Variants in GALM observed in about 807,000 individuals in gnomAD.
The protein encoded by GALM is aldose 1-epimerase.
In GALM, 43 loss-of-function variants were observed where a neutral mutation model predicts 37.4. The ratio of observed to expected loss-of-function variants is 1.15; its 90% CI spans 0.90 to 1.48. The LOEUF is 1.48. Ranked by LOEUF, GALM falls within the 40% of genes most tolerant of loss-of-function variation. The pLI is 0.00. For synonymous variants in GALM, 199 were observed against 170.6 expected, an observed-to-expected ratio of 1.17 and a Z score of -1.30; for missense variants, 456 against 419.1, an observed-to-expected ratio of 1.09 and a Z score of -0.77.
intron 4 of GALM, among the ~76,000 whole-genome samples, chr2:38,692,742 GCA>G (rs1665706279): frequency 6.6e-6 from 1 of 152,202 alleles, no homozygotes; most frequent in African/African-American, 2.4e-5. Context: ...AGGAGACTTG[GCA>G]CAGAGGGCAG....
chr2:38,707,227 A>AT (rs574116044), intron 4 of GALM, among the ~76,000 whole-genome samples: 196 of 152,186 alleles, frequency 1.3e-3, no homozygotes, highest in African/African-American at 4.4e-3. Flanking sequence ...AGCTGGATGC[A>AT]TGAGTGTGAC....
At chr2:38,676,190 A>G (rs541142467) in intron 2 of GALM, 124 bp downstream of exon 2, 245 of 936,378 alleles carry the variant, frequency 2.6e-4, no homozygotes, top group Middle Eastern at 1.5e-3. Context: ...GGCCCCTTCC[A>G]TGGTTCAGGG....
chr2:38,733,029 C>T (rs113645255), intron 6 of GALM, among the ~76,000 whole-genome samples: 6,234 of 151,656 alleles, frequency 0.041, 444 homozygotes, highest in African/African-American at 0.14. Context: ...GAGACCAGCC[C>T]GGTCAACATG....
At chr2:38,685,005 C>T (rs893818808) in intron 3 of GALM, among the ~76,000 whole-genome samples, 2 of 152,128 alleles carry the variant, frequency 1.3e-5, no homozygotes, top group African/African-American at 2.4e-5. Flanking sequence ...GGCTTGTCCC[C>T]TCATGGCCAC....
At chr2:38,714,219 G>T (rs997937684) in intron 4 of GALM, among the ~76,000 whole-genome samples, 2 of 151,642 alleles carry the variant, frequency 1.3e-5, no homozygotes, top group African/African-American at 4.8e-5. Flanking sequence ...TTTGCGGGGG[G>T]GTTGTTGTTT....
At chr2:38,697,992 G>T (rs1359949821) in intron 4 of GALM, among the ~76,000 whole-genome samples, 4 of 151,834 alleles carry the variant, frequency 2.6e-5, no homozygotes, top group African/African-American at 9.7e-5. Context: ...CACCAGGCTG[G>T]AAGTACAGTG....
At chr2:38,672,108 G>A (rs1265044943) in intron 1 of GALM, among the ~76,000 whole-genome samples, 2 of 151,824 alleles carry the variant, frequency 1.3e-5, no homozygotes, top group African/African-American at 2.4e-5. Context: ...TCTTCATGAC[G>A]TGATTGGTTT....
chr2:38,697,829 A>G (rs1203937567), intron 4 of GALM, among the ~76,000 whole-genome samples: 1 of 152,128 alleles, frequency 6.6e-6, no homozygotes, highest in Non-Finnish European at 1.5e-5. Flanking sequence ...AAATTCCCTT[A>G]CGTCTTCAAT....
chr2:38,667,115 G>T (rs1031943616), intron 1 of GALM, among the ~76,000 whole-genome samples: 3 of 152,158 alleles, frequency 2.0e-5, no homozygotes, highest in African/African-American at 7.2e-5. Flanking sequence ...AATGACAATT[G>T]CAGCTTGATT....
chr2:38,721,114 G>A (rs1666368300), intron 4 of GALM, among the ~76,000 whole-genome samples: 1 of 152,208 alleles, frequency 6.6e-6, no homozygotes, highest in Non-Finnish European at 1.5e-5. Flanking sequence ...TGGGGAAAAG[G>A]CCAAATTCCT....
chr2:38,733,021 G>A (rs1200491379), intron 6 of GALM, among the ~76,000 whole-genome samples: 1 of 151,482 alleles, frequency 6.6e-6, no homozygotes, highest in Non-Finnish European at 1.5e-5. Flanking sequence ...AGGAGTTCGA[G>A]ACCAGCCCGG....
rs528798132 is a variant in GALM at position 38,680,712 on chromosome 2, T to TA, written c.346-557dup. Among the ~76,000 whole-genome samples, 579 of 146,566 alleles carry TA rather than the reference T, an allele frequency of 4.0e-3. 3 individuals are homozygous for TA. Among genetic ancestry groups the TA allele is most frequent in the African/African-American group, 0.013 (520 of 40,412 alleles). On this transcript the variant is annotated intron_variant, in intron 2 of 6. Transcript: ENST00000272252. ...GTTTAGCAGAGTGGGGCTACAAGAT[T>TA]AAAAAAAAAAATCAAAGAAAAATCA...
At chr2:38,723,030 A>T (rs1305994618) in intron 4 of GALM, among the ~76,000 whole-genome samples, 1 of 152,140 alleles carries the variant, frequency 6.6e-6, no homozygotes, top group African/African-American at 2.4e-5. Flanking sequence ...CAATATACAC[A>T]GTTGCCTCTG....
chr2:38,724,428 C>T (rs185156020), intron 4 of GALM, among the ~76,000 whole-genome samples: 86 of 152,192 alleles, frequency 5.7e-4, no homozygotes, highest in African/African-American at 2.0e-3. Flanking sequence ...TATTCTTGAA[C>T]GATCAATTGG....
At chr2:38,695,788 C>T (rs1164736502) in intron 4 of GALM, among the ~76,000 whole-genome samples, 65 of 152,144 alleles carry the variant, frequency 4.3e-4, no homozygotes, top group Non-Finnish European at 4.4e-5. Context: ...CCTCCACCTC[C>T]CGGGTTCAAG....
chr2:38,703,530 T>G (rs1278556943), intron 4 of GALM, among the ~76,000 whole-genome samples: 1 of 152,142 alleles, frequency 6.6e-6, no homozygotes, highest in African/African-American at 2.4e-5. Flanking sequence ...CTGGGCCTCA[T>G]TGACTGAATC....
chr2:38,680,484 G>A (rs572307768), intron 2 of GALM, among the ~76,000 whole-genome samples: 1 of 152,112 alleles, frequency 6.6e-6, no homozygotes, highest in Non-Finnish European at 1.5e-5. Flanking sequence ...AGGGACAAAT[G>A]AGGCCCCTCA....
intron 4 of GALM, among the ~76,000 whole-genome samples, chr2:38,696,161 C>T (rs1665800272): frequency 6.6e-6 from 1 of 151,770 alleles, no homozygotes; most frequent in Non-Finnish European, 1.5e-5. Flanking sequence ...CTCTTGTTGC[C>T]CAGGCTGGAG....
At position 38,729,714 on chromosome 2, in the gene GALM, T is replaced by G. The variant is rs760743319; in HGVS notation, c.776+17T>G. 14 of 1,602,614 alleles carry G rather than the reference T, an allele frequency of 8.7e-6. No homozygotes were observed. The highest frequency in any genetic ancestry group is 4.4e-5 in the South Asian group (4 of 90,208). On this transcript the variant is annotated intron_variant, in intron 5 of 6. Coordinates refer to ENST00000272252, the MANE Select transcript of GALM (RefSeq NM_138801.3). The stretch of plus-strand genomic sequence containing the variant: ...TTGTGCAAGGTCAGGTACTTTTCAC[T>G]TCCTGAGTCTGTAAGGAAGAAATGA...
Sources: allele counts gnomAD v4.1 joint callset (sites outside exome capture counted in the v4.1 genomes callset), GRCh38; gene constraint gnomAD v4.1.1; transcripts MANE v1.5; gene names NCBI Gene and HGNC (gene_info 2026-07-23, HGNC 2026-07-21).